Variants in CAPN3 observed in about 807,000 individuals in gnomAD.
CAPN3 encodes calpain-3.
In CAPN3, 88 loss-of-function variants were observed where a neutral mutation model predicts 114.0. The observed-to-expected ratio is 0.77, with a 90% CI of 0.65 to 0.92. The LOEUF is 0.92. CAPN3 is among the 40% of genes least tolerant of loss of function. CAPN3 has a pLI of 0.00. For missense variants in CAPN3, 1,028 were observed against 1,069.0 expected (o/e 0.96, Z 0.53); for synonymous variants, 386 against 382.9 (o/e 1.01, Z -0.09).
At position 42,392,665 on chromosome 15, in the gene CAPN3, A is replaced by G. The variant is rs751038269; in HGVS notation, c.972A>G (p.Thr324=). ...TRTIIPVQYE[T]RMACGLVRGH... The stretch of plus-strand genomic sequence containing the variant: ...CAATCATTCCGGTTCAGTATGAGAC[A>G]AGAATGGCCTGCGGGCTGGTCAGAG... Residue 324 remains threonine (T), a synonymous_variant, in exon 7 of 24, where the codon ACA becomes ACG. Coordinates refer to ENST00000397163, the MANE Select transcript of CAPN3 (RefSeq NM_000070.3). The G allele has an allele frequency of 1.9e-6, 3 of 1,614,046 alleles. No homozygotes were observed.
intron 5 of CAPN3, 90 bp downstream of exon 5, chr15:42,389,186 G>C: frequency 8.1e-7 from 1 of 1,241,498 alleles, no homozygotes; most frequent in Admixed American, 1.9e-5. Flanking sequence ...CTTTTGTGTG[G>C]GACAGAGCGA....
chr15:42,385,307 G>GA (rs1359348804), intron 2 of CAPN3, among the ~76,000 whole-genome samples: 1 of 152,108 alleles, frequency 6.6e-6, no homozygotes, highest in Non-Finnish European at 1.5e-5. Context: ...TGCACCTGAG[G>GA]GAAGGCTTCC....
rs75348475 is a variant in CAPN3 at position 42,360,795 on chromosome 15, C to T, written c.309+681C>T. Among the ~76,000 whole-genome samples, 14 of 152,300 alleles carry T rather than the reference C, an allele frequency of 9.2e-5. No homozygotes were observed. The East Asian group carries it at 2.5e-3, about 27-fold the overall frequency. On this transcript the variant is annotated intron_variant, in intron 1 of 23. Coordinates refer to ENST00000397163, the MANE Select transcript of CAPN3 (RefSeq NM_000070.3). Reference sequence around the variant, plus strand: ...AACTTTCTGTTTTAGGAAACTCTCCCAGCCTCTGGGTTTCATTTACAGTGA... The same window carrying T: ...AACTTTCTGTTTTAGGAAACTCTCCTAGCCTCTGGGTTTCATTTACAGTGA...
intron 7 of CAPN3, among the ~76,000 whole-genome samples, chr15:42,393,464 G>A (rs2053610940): frequency 6.6e-6 from 1 of 152,238 alleles, no homozygotes; most frequent in Non-Finnish European, 1.5e-5. Flanking sequence ...ACACAGTTGG[G>A]CAGGTTGTGC....
intron 5 of CAPN3, 133 bp downstream of exon 5, chr15:42,389,229 C>A: frequency 1.2e-6 from 1 of 820,856 alleles, no homozygotes; most frequent in Non-Finnish European, 2.0e-6. Flanking sequence ...AACTGGCTCT[C>A]AACTTTGAGG....
chr15:42,385,094 A>G (rs1172978780), intron 2 of CAPN3, among the ~76,000 whole-genome samples: 1 of 152,208 alleles, frequency 6.6e-6, no homozygotes, highest in Non-Finnish European at 1.5e-5. Flanking sequence ...GCTCCATCTG[A>G]TCTTCCTCTC....
intron 16 of CAPN3, 35 bp downstream of exon 16, chr15:42,408,359 C>A: frequency 7.3e-7 from 1 of 1,361,308 alleles, no homozygotes; most frequent in Non-Finnish European, 1.1e-6. Flanking sequence ...GGGTGGCCAG[C>A]ACGCTACAGG....
Position 42,390,017 on chromosome 15 carries a change from G to A in CAPN3, c.866G>A (p.Arg289Gln), listed in dbSNP as rs775084606. Residue 289 changes from arginine (R) to glutamine (Q), a missense_variant, in exon 6 of 24, where the codon CGG becomes CAG. By Grantham distance (43) the Arg-to-Gln change is conservative. Transcript: ENST00000397163. ...SGLNMGELIARMVRNMDNSLL... is the reference protein window; with the variant it reads ...SGLNMGELIAQMVRNMDNSLL... The stretch of plus-strand genomic sequence containing the variant: ...CTGAACATGGGGGAGTTGATTGCAC[G>A]GATGGTAAGGAATATGGATAACTCA... 1.2e-5 allele frequency: 20 copies of A among 1,613,974 alleles called. No homozygotes were observed. The highest frequency in any genetic ancestry group is 1.1e-4 in the East Asian group (5 of 44,890).
At chr15:42,362,370 TAAA>T (rs1178713261) in intron 1 of CAPN3, among the ~76,000 whole-genome samples, 2 of 152,310 alleles carry the variant, frequency 1.3e-5, no homozygotes, top group Non-Finnish European at 2.9e-5. Context: ...TACAAATTAA[TAAA>T]AATTCTTTAA....
Position 42,392,663 on chromosome 15 carries a change from A to T in CAPN3, c.970A>T (p.Thr324Ser), listed in dbSNP as rs1313414424. 4 of 1,613,886 alleles carry T rather than the reference A, an allele frequency of 2.5e-6. No individual in the cohort carries two copies. Among genetic ancestry groups the T allele is most frequent in the Non-Finnish European group, 3.4e-6 (4 of 1,179,934 alleles). The change falls in exon 7 of 24, where the codon ACA becomes TCA. Residue 324 changes from threonine to serine, a missense_variant. By Grantham distance (58) the Thr-to-Ser change is moderately conservative. Coordinates refer to ENST00000397163, the MANE Select transcript of CAPN3 (RefSeq NM_000070.3). ...GACAATCATTCCGGTTCAGTATGAGACAAGAATGGCCTGCGGGCTGGTCAG... is the reference window on the plus strand; with the variant it reads ...GACAATCATTCCGGTTCAGTATGAGTCAAGAATGGCCTGCGGGCTGGTCAG... ...TRTIIPVQYETRMACGLVRGH... is the reference protein window; with the variant it reads ...TRTIIPVQYESRMACGLVRGH...
chr15:42,398,988 T>C (rs2053787593), intron 9 of CAPN3, among the ~76,000 whole-genome samples: 1 of 152,080 alleles, frequency 6.6e-6, no homozygotes, highest in South Asian at 2.1e-4. Flanking sequence ...TTTCACCATG[T>C]TGGCCAAGCT....
intron 1 of CAPN3, among the ~76,000 whole-genome samples, chr15:42,366,840 C>CT (rs1313802964): frequency 6.4e-4 from 79 of 124,252 alleles, no homozygotes; most frequent in East Asian, 1.1e-3. Flanking sequence ...TTTTTTTTTT[C>CT]TTTTTTTTTT....
At position 42,401,634 on chromosome 15, in the gene CAPN3, G is replaced by A. The variant is rs2053871319; in HGVS notation, c.1355-7G>A. The A allele has an allele frequency of 1.9e-6, 3 of 1,614,058 alleles. No individual in the cohort carries two copies. Among genetic ancestry groups the A allele is most frequent in the Non-Finnish European group, 2.5e-6 (3 of 1,179,996 alleles). ...TGTGAATGCGTGCTTCCTTTCTGGG[G>A]GTGCAGATACTTTCTGGACCAACCC... On this transcript the variant is annotated splice_polypyrimidine_tract_variant and splice_region_variant and intron_variant, in intron 10 of 23. Coordinates refer to ENST00000397163, the MANE Select transcript of CAPN3 (RefSeq NM_000070.3).
At position 42,412,316 on chromosome 15, in the gene CAPN3, T is replaced by G. The variant is rs1261393409; in HGVS notation, c.*543T>G. ...TAAATAAAGGCATGTGTATGGCTGGTCCCCTTGTGTTTTGTTGTCTCACAT... is the reference window on the plus strand; with the variant it reads ...TAAATAAAGGCATGTGTATGGCTGGGCCCCTTGTGTTTTGTTGTCTCACAT... On this transcript the variant is annotated 3_prime_UTR_variant, in exon 24 of 24. Coordinates refer to ENST00000397163, the MANE Select transcript of CAPN3 (RefSeq NM_000070.3). 6.3e-6 allele frequency: 5 copies of G among 797,736 alleles called. No homozygotes were observed. Among genetic ancestry groups the G allele is most frequent in the Non-Finnish European group, 9.8e-6 (5 of 509,630 alleles). The allele number at this position is 797,736 out of a possible 1,614,324, so 49.4% of individuals were successfully genotyped here.
intron 1 of CAPN3, among the ~76,000 whole-genome samples, chr15:42,366,119 A>G (rs1298181522): frequency 1.3e-5 from 2 of 152,226 alleles, no homozygotes; most frequent in African/African-American, 4.8e-5. Context: ...TGTAAGTTGC[A>G]TCACAGTTTC....
chr15:42,380,753 T>TATATATA (rs1566972340), intron 1 of CAPN3, among the ~76,000 whole-genome samples: 12 of 44,262 alleles, frequency 2.7e-4, no homozygotes, highest in African/African-American at 9.9e-4. Flanking sequence ...ATATATATAT[T>TATATATA]TTTTTTTTTT....
chr15:42,394,261 G>T lies in CAPN3; in HGVS notation c.1035G>T (p.Pro345=), dbSNP rs1203522520. 6.4e-7 allele frequency: 1 copy of T among 1,557,084 alleles called. No homozygotes were observed. Among genetic ancestry groups the T allele is most frequent in the Non-Finnish European group, 8.7e-7 (1 of 1,149,794 alleles). ...AYSVTGLDEV[P]FKGEKVKLVR... is the part of the protein sequence containing the mutation. Reference sequence around the variant, plus strand: ...GCTCTTTCTGTGTGCTTAAGGTCCCGTTCAAAGGTGAGAAAGTGAAGCTGG... The same window carrying T: ...GCTCTTTCTGTGTGCTTAAGGTCCCTTTCAAAGGTGAGAAAGTGAAGCTGG... The change falls in exon 8 of 24, where the codon CCG becomes CCT. Residue 345 remains proline, a synonymous_variant. Coordinates refer to ENST00000397163, the MANE Select transcript of CAPN3 (RefSeq NM_000070.3).
chr15:42,364,743 A>G (rs2052735531), intron 1 of CAPN3, among the ~76,000 whole-genome samples: 1 of 152,234 alleles, frequency 6.6e-6, no homozygotes, highest in Non-Finnish European at 1.5e-5. Context: ...CACCTTGCCC[A>G]GTGATTGGCT....
intron 1 of CAPN3, among the ~76,000 whole-genome samples, chr15:42,378,860 A>G (rs1030233889): frequency 1.3e-5 from 2 of 152,126 alleles, no homozygotes; most frequent in Non-Finnish European, 2.9e-5. Flanking sequence ...AGTTAAAAAC[A>G]TTTTGTAAGT....
Sources: gnomAD v4.1 joint callset for allele counts (sites outside exome capture counted in the v4.1 genomes callset) on GRCh38, gnomAD v4.1.1 for gene constraint, MANE v1.5 for transcripts, NCBI Gene and HGNC (gene_info 2026-07-23, HGNC 2026-07-21) for gene names.